PTCH2: variants seen among roughly 807,000 people sequenced by gnomAD.
PTCH2 encodes the protein protein patched homolog 2.
In PTCH2, 96 loss-of-function variants were observed where a neutral mutation model predicts 117.9. That is an observed-to-expected ratio of 0.81 (90% confidence interval 0.69 to 0.96). PTCH2 has a LOEUF of 0.96. Ranked by LOEUF, PTCH2 falls within the 50% of genes least tolerant of loss-of-function variation. The pLI is 0.00. For synonymous variants in PTCH2, 615 were observed against 660.9 expected, an observed-to-expected ratio of 0.93 and a Z score of 1.06; for missense variants, 1,379 against 1,562.5, an observed-to-expected ratio of 0.88 and a Z score of 1.98.
intron 2 of PTCH2, among the ~76,000 whole-genome samples, chr1:44,840,511 G>C (rs1053658796): frequency 1.3e-5 from 2 of 150,318 alleles, no homozygotes; most frequent in Non-Finnish European, 3.0e-5. Flanking sequence ...AGGAGTTCGA[G>C]ACCAGCCTGG....
At chr1:44,828,715 TG>T in intron 11 of PTCH2, 84 bp from the exon 12 acceptor site, 5 of 1,550,934 alleles carry the variant, frequency 3.2e-6, no homozygotes, top group Non-Finnish European at 4.4e-6. Context: ...CTCAGGAACT[TG>T]GGGTGCAGAG....
downstream of PTCH2, chr1:44,820,374 T>TA: frequency 1.7e-6 from 1 of 578,500 alleles, no homozygotes; most frequent in Non-Finnish European, 3.3e-6. Context: ...TCCCAGGGGT[T>TA]AAGGTCCTGT....
chr1:44,819,939 C>T (rs144745590), downstream of PTCH2: 76 of 153,472 alleles, frequency 5.0e-4, no homozygotes, highest in Non-Finnish European at 7.6e-4. Flanking sequence ...ACTTTCTCTC[C>T]ACGGAAATCT....
Position 44,832,275 on chromosome 1 carries a change from G to A in PTCH2, c.332C>T (p.Thr111Ile). The A allele has an allele frequency of 6.2e-7, 1 of 1,614,212 alleles. No individual in the cohort carries two copies. Among genetic ancestry groups the A allele is most frequent in the South Asian group, 1.1e-5 (1 of 91,088 alleles). The change falls in exon 3 of 22, where the codon ACC becomes ATC. Residue 111 changes from threonine (T) to isoleucine (I), a missense_variant. Physicochemically the swap from Thr to Ile is moderately conservative, Grantham distance 89. Coordinates refer to ENST00000372192, the MANE Select transcript of PTCH2 (RefSeq NM_003738.5). ...TGCGGTCTGTATCAGCATCTGAGAG[G>A]TGTATGCAGCCTCCTCCCCCAGCTT... ...KEKLGEEAAY[T>I]SQMLIQTARQ...
chr1:44,832,399 G>A (rs571288498), intron 2 of PTCH2, 58 bp from the exon 3 acceptor site: 1 of 1,583,604 alleles, frequency 6.3e-7, no homozygotes, highest in South Asian at 1.1e-5. Context: ...TCAGAACTTG[G>A]GAAGGGGGCT....
At chr1:44,836,820 C>T (rs1480899578) in intron 2 of PTCH2, among the ~76,000 whole-genome samples, 2 of 152,080 alleles carry the variant, frequency 1.3e-5, no homozygotes, top group Non-Finnish European at 2.9e-5. Context: ...TGCATGGTGG[C>T]ATGTGCCTGT....
chr1:44,830,764 G>T, intron 6 of PTCH2, 84 bp downstream of exon 6: 4 of 1,391,362 alleles, frequency 2.9e-6, no homozygotes, highest in Non-Finnish European at 3.9e-6. Flanking sequence ...GCACAGAGCA[G>T]TCAGCTCCCC....
chr1:44,822,925 AAGG>A (rs1024277606), intron 21 of PTCH2, 141 bp downstream of exon 21: 8 of 963,804 alleles, frequency 8.3e-6, no homozygotes, highest in African/African-American at 8.1e-5. Flanking sequence ...TGTCTGGGGA[AAGG>A]AGGAGGCTGC....
chr1:44,831,404 A>G lies in PTCH2; in HGVS notation c.617+302T>C, dbSNP rs1573652132. Among the ~76,000 whole-genome samples the G allele has an allele frequency of 1.3e-5, 2 of 152,338 alleles. No homozygotes were observed. Among genetic ancestry groups the G allele is most frequent in the East Asian group, 3.9e-4 (2 of 5,186 alleles). On this transcript the variant is annotated intron_variant, in intron 5 of 21. Transcript: ENST00000372192. This position sits in a 1 kb window ranked among gnomAD's most constrained non-coding sequence, Gnocchi z 4.3. Reference sequence around the variant, plus strand: ...TTCTTTCTGGCCTGGGCAATGGCTTAGCAAACACCTAGGTAATTTCCCCCA... The same window carrying G: ...TTCTTTCTGGCCTGGGCAATGGCTTGGCAAACACCTAGGTAATTTCCCCCA...
chr1:44,820,529 C>T (rs1191677637), downstream of PTCH2: 68 of 678,928 alleles, frequency 1.0e-4, no homozygotes, highest in East Asian at 1.9e-3. Flanking sequence ...TCCAATTCAC[C>T]TCGAAGGGTG....
Position 44,843,187 on chromosome 1 carries a change from A to T in PTCH2, c.-255T>A, listed in dbSNP as rs1035247871. ...CGTGGGCCGCGGCGGCTGGAGGAGGAATGGGTCCCGCGCGCAGGCGGAATT... is the reference window on the plus strand; with the variant it reads ...CGTGGGCCGCGGCGGCTGGAGGAGGTATGGGTCCCGCGCGCAGGCGGAATT... On this transcript the variant is annotated 5_prime_UTR_variant, in exon 1 of 22. Transcript: ENST00000372192. The T allele has an allele frequency of 8.1e-7, 1 of 1,228,198 alleles. No individual in the cohort carries two copies. The highest frequency in any genetic ancestry group is 1.6e-5 in the African/African-American group (1 of 62,746). 76.1% of individuals were successfully genotyped at this position (1,228,198 alleles called of 1,614,324 possible). A position where few individuals can be genotyped will look rare whatever the true frequency, so the allele number is the denominator to read the frequency against.
intron 21 of PTCH2, 120 bp from the exon 22 acceptor site, chr1:44,822,789 G>A (rs1224433202): frequency 9.1e-7 from 1 of 1,096,732 alleles, no homozygotes; most frequent in African/African-American, 1.6e-5. Flanking sequence ...GTCTCCAGCA[G>A]GATATGAGAG....
intron 2 of PTCH2, among the ~76,000 whole-genome samples, chr1:44,841,194 A>ACCCCC (rs59372477): frequency 1.0e-4 from 15 of 143,364 alleles, no homozygotes; most frequent in Admixed American, 5.8e-4. Context: ...CAAAAAAACA[A>ACCCCC]CCCCCCCCAA....
At chr1:44,842,750 C>G in intron 1 of PTCH2, 111 bp downstream of exon 1, 3 of 1,135,990 alleles carry the variant, frequency 2.6e-6, no homozygotes, top group Non-Finnish European at 3.8e-6. Context: ...TCTCACTTGC[C>G]TTCAGACATC....
At chr1:44,840,627 T>C (rs1458153289) in intron 2 of PTCH2, among the ~76,000 whole-genome samples, 1 of 150,140 alleles carries the variant, frequency 6.7e-6, no homozygotes, top group East Asian at 2.0e-4. Flanking sequence ...AGGAGAATCG[T>C]TTGAACCTGG....
intron 6 of PTCH2, 81 bp from the exon 7 acceptor site, chr1:44,830,111 C>A (rs80328606): frequency 6.2e-5 from 98 of 1,569,028 alleles, no homozygotes; most frequent in Non-Finnish European, 7.8e-5. Flanking sequence ...CCTCCAGGAA[C>A]CACGCTGCCA....
In PTCH2 at chr1:44,827,624, C is replaced by T. The variant is rs1653222397; in HGVS notation, c.2149G>A (p.Val717Met). ...VQDGLALTDVVPRGTKEHAFL... is the reference protein window; with the variant it reads ...VQDGLALTDVMPRGTKEHAFL... ...GCATGCTCCTTGGTGCCCCGAGGCA[C>T]CACATCCGTCAGGGCCAGGCCGTCT... Residue 717 changes from valine (V) to methionine (M), a missense_variant, in exon 15 of 22, where the codon GTG (valine) becomes ATG (methionine). Coordinates refer to ENST00000372192, the MANE Select transcript of PTCH2 (RefSeq NM_003738.5). The T allele has an allele frequency of 1.2e-6, 2 of 1,613,684 alleles. No homozygotes were observed. Among genetic ancestry groups the T allele is most frequent in the Admixed American group, 3.3e-5 (2 of 60,008 alleles).
rs549005923 is a variant in PTCH2 at position 44,830,120 on chromosome 1, C to T, written c.814-90G>A. The T allele has an allele frequency of 2.2e-5, 34 of 1,544,540 alleles. No individual in the cohort carries two copies. In the Admixed American group the frequency reaches 3.9e-4, roughly 18 times the overall value. ...CTTCCACCTCCAGGAACCACGCTGC[C>T]ATGAAGCTCAGTAGGGCTGGAGTGT... is the stretch of plus-strand genomic sequence containing the variant. On this transcript the variant is annotated intron_variant, in intron 6 of 21. Transcript: ENST00000372192.
At chr1:44,841,353 A>T (rs984111885) in intron 2 of PTCH2, among the ~76,000 whole-genome samples, 1 of 152,160 alleles carries the variant, frequency 6.6e-6, no homozygotes, top group Non-Finnish European at 1.5e-5. Context: ...CTCTCCCTGC[A>T]GGCTTGGCCA....
Sources: gnomAD v4.1 joint callset for allele counts (sites outside exome capture counted in the v4.1 genomes callset) on GRCh38, gnomAD v4.1.1 for gene constraint, Gnocchi (gnomAD v3.1) non-coding constraint, MANE v1.5 for transcripts, NCBI Gene and HGNC (gene_info 2026-07-23, HGNC 2026-07-21) for gene names.